Variants in CX3CR1 observed in about 807,000 individuals in gnomAD.
The protein encoded by CX3CR1 is CX3C chemokine receptor 1.
For synonymous variants in CX3CR1, 168 were observed against 178.5 expected, an observed-to-expected ratio of 0.94 and a Z score of 0.47; for missense variants, 363 against 432.4, an observed-to-expected ratio of 0.84 and a Z score of 1.42.
At chr3:39,274,346 C>A (rs767706026) in intron 1 of CX3CR1, among the ~76,000 whole-genome samples, 9 of 151,998 alleles carry the variant, frequency 5.9e-5, no homozygotes, top group Non-Finnish European at 2.9e-5. Flanking sequence ...TTTTATACCC[C>A]ATCCCCTATG....
chr3:39,282,181 A>G (rs117867848), upstream of CX3CR1, among the ~76,000 whole-genome samples: 6 of 152,294 alleles, frequency 3.9e-5, no homozygotes, highest in East Asian at 9.6e-4. Flanking sequence ...AGTGCTTTGC[A>G]TTCTTGACAC....
chr3:39,280,428 T>C (rs1020332289), upstream of CX3CR1: 6 of 985,350 alleles, frequency 6.1e-6, no homozygotes, highest in South Asian at 4.7e-5. Flanking sequence ...ACACAGCTCT[T>C]CTCCTCAAAG....
the CX3CR1 span, among the ~76,000 whole-genome samples, chr3:39,288,363 A>C: frequency 6.6e-6 from 1 of 152,216 alleles, no homozygotes; most frequent in Non-Finnish European, 1.5e-5. Flanking sequence ...TACAAAGATG[A>C]ATAGGGCAGG....
In CX3CR1 at chr3:39,264,685, G is replaced by C. The variant is rs1412318635; in HGVS notation, c.*757C>G. 2.6e-5 allele frequency: 4 copies of C among 152,492 alleles called. No homozygotes were observed. Among genetic ancestry groups the C allele is most frequent in the Admixed American group, 2.0e-4 (3 of 15,290 alleles). 9.4% of individuals were successfully genotyped at this position (152,492 alleles called of 1,614,324 possible). On this transcript the variant is annotated 3_prime_UTR_variant, in exon 2 of 2. Coordinates refer to ENST00000399220, the MANE Select transcript of CX3CR1 (RefSeq NM_001337.4). ...CCCTTGCAGGTTTGGGGACATGATG[G>C]AAGAGGGCTTAATGAAGACGAGGCT... is the stretch of plus-strand genomic sequence containing the variant.
intron 1 of CX3CR1, among the ~76,000 whole-genome samples, chr3:39,279,535 C>T (rs1290465034): frequency 2.6e-5 from 4 of 152,218 alleles, no homozygotes; most frequent in Non-Finnish European, 5.9e-5. Context: ...AATGTCTCTA[C>T]TGAATTATTT....
chr3:39,281,490 C>T (rs2040898841), upstream of CX3CR1: 1 of 913,754 alleles, frequency 1.1e-6, no homozygotes. Context: ...CTCATCCACC[C>T]CACATCAGTA....
At chr3:39,278,470 C>T (rs1300855146) in intron 1 of CX3CR1, among the ~76,000 whole-genome samples, 3 of 152,152 alleles carry the variant, frequency 2.0e-5, no homozygotes, top group Non-Finnish European at 4.4e-5. Flanking sequence ...GTCCGTCACC[C>T]ACCCTGCCTC....
chr3:39,271,512 C>T (rs1489534124), intron 1 of CX3CR1, among the ~76,000 whole-genome samples: 1 of 152,218 alleles, frequency 6.6e-6, no homozygotes, highest in East Asian at 1.9e-4. Flanking sequence ...CAAACACAAC[C>T]TCTCATTTCA....
intron 1 of CX3CR1, 134 bp from the exon 2 acceptor site, chr3:39,266,652 C>A (rs745505579): frequency 1.2e-6 from 1 of 860,420 alleles, no homozygotes; most frequent in Admixed American, 1.7e-5. Context: ...CCCAACTTCC[C>A]ACTTGCCATC....
intron 1 of CX3CR1, among the ~76,000 whole-genome samples, chr3:39,272,480 T>C (rs2040789063): frequency 6.6e-6 from 1 of 152,228 alleles, no homozygotes; most frequent in South Asian, 2.1e-4. Flanking sequence ...TCATTACCCA[T>C]TGTTTCCAAT....
upstream of CX3CR1, chr3:39,281,717 G>C (rs2040901687): frequency 1.3e-6 from 2 of 1,562,550 alleles, no homozygotes; most frequent in African/African-American, 2.7e-5. Context: ...TCCACGGCCT[G>C]GTAAGCACGG....
At chr3:39,284,456 C>G (rs1427552611), upstream of CX3CR1, among the ~76,000 whole-genome samples, 1 of 152,192 alleles carries the variant, frequency 6.6e-6, no homozygotes, top group Non-Finnish European at 1.5e-5. Flanking sequence ...GCCACTGCGC[C>G]CAGACAAGAA....
chr3:39,271,563 T>C (rs1347177630), intron 1 of CX3CR1, among the ~76,000 whole-genome samples: 1 of 152,188 alleles, frequency 6.6e-6, no homozygotes, highest in African/African-American at 2.4e-5. Context: ...TATGTGGTCA[T>C]GAAATAGATA....
intron 1 of CX3CR1, chr3:39,266,782 C>A: frequency 6.2e-6 from 4 of 646,916 alleles, no homozygotes; most frequent in Non-Finnish European, 1.1e-5. Context: ...GCATTTGGCT[C>A]TAGGCATTTT....
At position 39,266,318 on chromosome 3, in the gene CX3CR1, A is replaced by G. The variant is rs561964760; in HGVS notation, c.192T>C (p.Ser64=). 41 of 1,614,114 alleles carry G rather than the reference A, an allele frequency of 2.5e-5. No homozygotes were observed. The African/African-American group carries it at 4.1e-4, about 16-fold the overall frequency. Residue 64 remains serine (S), a synonymous_variant, in exon 2 of 2, where the codon AGT becomes AGC. Coordinates refer to ENST00000399220, the MANE Select transcript of CX3CR1 (RefSeq NM_001337.4). ...FALTNSKKPK[S]VTDIYLLNLA... ...GGTTCAGGAGGTAAATGTCGGTGACACTCTTGGGCTTCTTGCTGTTGGTGA... is the reference window on the plus strand; with the variant it reads ...GGTTCAGGAGGTAAATGTCGGTGACGCTCTTGGGCTTCTTGCTGTTGGTGA...
At chr3:39,267,316 C>T (rs147867875) in intron 1 of CX3CR1, among the ~76,000 whole-genome samples, 137 of 152,300 alleles carry the variant, frequency 9.0e-4, no homozygotes, top group African/African-American at 3.1e-3. Context: ...CTTTTCCACC[C>T]TCTGGCCCCT....
In CX3CR1 at chr3:39,265,360, A is replaced by G. The variant is rs1366502560; in HGVS notation, c.*82T>C. 1 of 1,428,306 alleles carries G rather than the reference A, an allele frequency of 7.0e-7. No homozygotes were observed. The highest frequency in any genetic ancestry group is 2.3e-5 in the Admixed American group (1 of 44,216). The allele number at this position is 1,428,306 out of a possible 1,614,324, so 88.5% of individuals were successfully genotyped here. On this transcript the variant is annotated 3_prime_UTR_variant, in exon 2 of 2. Transcript: ENST00000399220. ...CATCATTTTGTGCCTGTAAGAAATA[A>G]CAACAAAAATCTTTCCTCACTAGTC...
intron 1 of CX3CR1, among the ~76,000 whole-genome samples, chr3:39,271,633 T>C (rs986511401): frequency 4.6e-5 from 7 of 152,332 alleles, no homozygotes; most frequent in African/African-American, 9.6e-5. Flanking sequence ...GCAGGAGTCA[T>C]TGGGCAACAT....
At chr3:39,271,748 A>AT (rs769254679) in intron 1 of CX3CR1, among the ~76,000 whole-genome samples, 1 of 152,236 alleles carries the variant, frequency 6.6e-6, no homozygotes, top group Non-Finnish European at 1.5e-5. Flanking sequence ...CACCATTTAC[A>AT]TAAAAAATCT....
Sources: gnomAD v4.1 joint callset for allele counts (sites outside exome capture counted in the v4.1 genomes callset) on GRCh38, gnomAD v4.1.1 for gene constraint, MANE v1.5 for transcripts, NCBI Gene and HGNC (gene_info 2026-07-23, HGNC 2026-07-21) for gene names.